The following RELCH variants were observed in gnomAD, a reference collection of about 807,000 sequenced individuals.
RELCH encodes the protein RAB11-binding protein RELCH.
Under a neutral mutation model 150.3 loss-of-function variants are expected in RELCH, and 41 were observed. That is an observed-to-expected ratio of 0.27 (90% CI 0.21 to 0.35). The LOEUF (loss-of-function observed/expected upper bound fraction) is 0.35. Among genes scored for constraint, RELCH ranks in the 10% least tolerant of loss-of-function variants. The pLI is 1.00. For missense variants in RELCH, 1,092 were observed against 1,467.8 expected (o/e 0.74, Z 4.18); for synonymous variants, 478 against 531.8 (o/e 0.90, Z 1.39).
rs185186834 is a variant in RELCH at position 62,251,751 on chromosome 18, C to G, written c.1734-913C>G. 5.3e-5 allele frequency among the ~76,000 whole-genome samples: 8 copies of G among 152,236 alleles called. No homozygotes were observed. In the East Asian group the frequency reaches 1.5e-3, roughly 29 times the overall value. On this transcript the variant is annotated intron_variant, in intron 11 of 28. Coordinates refer to ENST00000644646, the MANE Select transcript of RELCH (RefSeq NM_001346231.2). ...ATTATAGAAACACTGGGAGAATAAT[C>G]ACTGGTTGTTTTAGTGTCTAGAAAG...
intron 11 of RELCH, chr18:62,247,023 G>A (rs574664452): frequency 2.4e-4 from 37 of 152,256 alleles, no homozygotes; most frequent in South Asian, 1.4e-3. Flanking sequence ...AGAACTGGGC[G>A]TTGAGAAAAG....
At chr18:62,192,848 G>T (rs992950972) in intron 1 of RELCH, among the ~76,000 whole-genome samples, 3 of 152,140 alleles carry the variant, frequency 2.0e-5, no homozygotes, top group African/African-American at 7.2e-5. Context: ...TTTTGCTGAG[G>T]ATTGTCTTGG....
chr18:62,196,377 G>A (rs1234032016), intron 1 of RELCH, among the ~76,000 whole-genome samples: 1 of 151,988 alleles, frequency 6.6e-6, no homozygotes, highest in Non-Finnish European at 1.5e-5. Context: ...TTACAAGCCC[G>A]CACCACCACA....
intron 1 of RELCH, among the ~76,000 whole-genome samples, chr18:62,209,850 C>T (rs1002395471): frequency 1.3e-5 from 2 of 152,004 alleles, no homozygotes; most frequent in African/African-American, 2.4e-5. Context: ...TAAATGTATT[C>T]TTAAAATTTT....
intron 28 of RELCH, among the ~76,000 whole-genome samples, chr18:62,299,874 A>G (rs1301139444): frequency 6.6e-6 from 1 of 152,240 alleles, no homozygotes; most frequent in African/African-American, 2.4e-5. Context: ...TTAAAAAAAC[A>G]TAAACACAAT....
intron 24 of RELCH, among the ~76,000 whole-genome samples, chr18:62,281,679 CA>C (rs1271343850): frequency 6.6e-6 from 1 of 151,952 alleles, no homozygotes; most frequent in African/African-American, 2.4e-5. Context: ...ACATATTACC[CA>C]AAAGAAAAAA....
Position 62,307,747 on chromosome 18 carries a change from A to G in RELCH, c.*2213A>G, listed in dbSNP as rs1180297129. 6.6e-6 allele frequency: 1 copy of G among 152,232 alleles called. No homozygotes were observed. The highest frequency in any genetic ancestry group is 1.5e-5 in the Non-Finnish European group (1 of 68,040). The allele number at this position is 152,232 out of a possible 1,614,324, so 9.4% of individuals were successfully genotyped here. ...AAGTGTTCAACTTAATGAAAAACTA[A>G]GTTTGCAAAGTAATGAAAAGCTAAT... On this transcript the variant is annotated 3_prime_UTR_variant, in exon 29 of 29. Coordinates refer to ENST00000644646, the MANE Select transcript of RELCH (RefSeq NM_001346231.2).
intron 22 of RELCH, among the ~76,000 whole-genome samples, chr18:62,279,393 A>G (rs1266798436): frequency 6.6e-6 from 1 of 152,172 alleles, no homozygotes; most frequent in African/African-American, 2.4e-5. Context: ...GTTGGTCATG[A>G]TAAAAGCATA....
chr18:62,221,225 A>C lies in RELCH; in HGVS notation c.695A>C (p.Glu232Ala), dbSNP rs1228433609. 1 of 1,609,842 alleles carries C rather than the reference A, an allele frequency of 6.2e-7. No homozygotes were observed. The highest frequency in any genetic ancestry group is 1.1e-5 in the South Asian group (1 of 90,914). ...TTATGTTTTTTTCCACCAGAACATG[A>C]AGTTCCTTTACAGGAACGAAAAAAT... ...RANLTKAAEH[E>A]VPLQERKNYK... The change falls in exon 4 of 29, where the codon GAA (glutamate) becomes GCA (alanine). Residue 232 changes from glutamate to alanine, a missense_variant. By Grantham distance (107) the Glu-to-Ala change is moderately radical. This residue lies in a region of RELCH where 190 missense variants were observed against 276.2 expected (regional missense o/e 0.69). Transcript: ENST00000644646.
At chr18:62,284,436 C>G (rs1030344311) in intron 25 of RELCH, 72 of 152,146 alleles carry the variant, frequency 4.7e-4, no homozygotes, top group African/African-American at 1.6e-3. Flanking sequence ...ACTGTGTACC[C>G]ACAAGTATGT....
At chr18:62,212,217 G>A (rs1005998637) in intron 2 of RELCH, among the ~76,000 whole-genome samples, 6 of 152,232 alleles carry the variant, frequency 3.9e-5, no homozygotes, top group African/African-American at 1.4e-4. Flanking sequence ...TTGGCTCCTT[G>A]AGTGTAAATA....
At chr18:62,294,659 A>G (rs1218798680) in intron 27 of RELCH, among the ~76,000 whole-genome samples, 2 of 152,146 alleles carry the variant, frequency 1.3e-5, no homozygotes, top group Non-Finnish European at 2.9e-5. Context: ...GCATCTTCGA[A>G]CACTGATTCT....
chr18:62,298,122 C>T (rs370004912), intron 27 of RELCH, among the ~76,000 whole-genome samples: 6 of 149,924 alleles, frequency 4.0e-5, no homozygotes, highest in Non-Finnish European at 7.4e-5. Flanking sequence ...ATACCTAGCC[C>T]GTAGTAGGTA....
intron 10 of RELCH, among the ~76,000 whole-genome samples, chr18:62,234,459 G>A (rs1322964826): frequency 6.6e-6 from 1 of 151,494 alleles, no homozygotes; most frequent in African/African-American, 2.4e-5. Flanking sequence ...GTGATTGAAG[G>A]ATTAATATTT....
In RELCH at chr18:62,264,085, A is replaced by T; in HGVS notation, c.2447A>T (p.Tyr816Phe). 1.2e-6 allele frequency: 2 copies of T among 1,605,094 alleles called. No homozygotes were observed. The highest frequency in any genetic ancestry group is 1.7e-6 in the Non-Finnish European group (2 of 1,176,652). ...QLAVLLQLYD[Y>F]QLEQEGTTGW... ...GCAGTGCTGCTGCAACTTTATGACT[A>T]CCAGCTAGAACAAGAGGGTACAACA... The change falls in exon 17 of 29, where the codon TAC (tyrosine) becomes TTC (phenylalanine). Residue 816 changes from tyrosine to phenylalanine, a missense_variant. Around this residue, in one of 4 missense-constraint regions of RELCH, gnomAD observed 707 missense variants for 1,025.4 expected, o/e 0.69. Transcript: ENST00000644646.
At chr18:62,246,172 T>G (rs1234525151) in intron 11 of RELCH, 1 of 152,226 alleles carries the variant, frequency 6.6e-6, no homozygotes, top group Non-Finnish European at 1.5e-5. Flanking sequence ...ATCAAACCAT[T>G]TATCGTAAAA....
At chr18:62,282,818 C>A (rs575689482) in intron 25 of RELCH, among the ~76,000 whole-genome samples, 1 of 152,036 alleles carries the variant, frequency 6.6e-6, no homozygotes, top group African/African-American at 2.4e-5. Flanking sequence ...CCACCATGCC[C>A]GGCTAATTTT....
chr18:62,293,979 T>A (rs1427825542), intron 27 of RELCH, among the ~76,000 whole-genome samples: 1 of 152,180 alleles, frequency 6.6e-6, no homozygotes, highest in African/African-American at 2.4e-5. Context: ...CTCCTGTATG[T>A]ATTCTTATAT....
intron 27 of RELCH, among the ~76,000 whole-genome samples, chr18:62,292,165 G>A (rs1200439636): frequency 6.6e-6 from 1 of 151,990 alleles, no homozygotes; most frequent in Admixed American, 6.6e-5. Context: ...TATTCTTCCT[G>A]ATCATCCACA....
Sources: allele counts gnomAD v4.1 joint callset (sites outside exome capture counted in the v4.1 genomes callset), GRCh38; gene constraint gnomAD v4.1.1; regional missense constraint gnomAD v4.1.1; transcripts MANE v1.5; gene names NCBI Gene and HGNC (gene_info 2026-07-23, HGNC 2026-07-21).